The following SCFD1 variants were observed in gnomAD, a reference collection of about 807,000 sequenced individuals.
SCFD1 encodes sec1 family domain-containing protein 1.
SCFD1 carries 37 observed loss-of-function variants against 103.2 expected under a neutral mutation model. The observed-to-expected ratio is 0.36, with a 90% CI of 0.28 to 0.47. The LOEUF (loss-of-function observed/expected upper bound fraction) is 0.47. Among genes scored for constraint, SCFD1 ranks in the 20% least tolerant of loss-of-function variants. The probability of loss-of-function intolerance (pLI) is 1.00; values close to 1 mark genes in which losing one functional copy is unlikely to be tolerated. For synonymous variants in SCFD1, 264 were observed against 245.0 expected (o/e 1.08, Z -0.73); for missense variants, 639 against 761.2 (o/e 0.84, Z 1.89).
intron 18 of SCFD1, among the ~76,000 whole-genome samples, chr14:30,707,611 T>C (rs1891559812): frequency 6.6e-6 from 1 of 152,216 alleles, no homozygotes; most frequent in Admixed American, 6.5e-5. Flanking sequence ...TCCAAGTTAC[T>C]AGCTTTAAAT....
intron 23 of SCFD1, among the ~76,000 whole-genome samples, chr14:30,723,839 A>G (rs1892823216): frequency 1.3e-5 from 2 of 152,282 alleles, no homozygotes; most frequent in South Asian, 4.1e-4. Flanking sequence ...TGCTATCGTG[A>G]ACAGTGCTGC....
At chr14:30,638,077 C>G in intron 4 of SCFD1, 48 bp from the exon 5 acceptor site, 1 of 1,500,614 alleles carries the variant, frequency 6.7e-7, no homozygotes, top group Middle Eastern at 2.3e-4. Context: ...CATATGTATT[C>G]ATGGTCTTCT....
intron 15 of SCFD1, among the ~76,000 whole-genome samples, chr14:30,695,325 T>C (rs1890616730): frequency 6.6e-6 from 1 of 152,146 alleles, no homozygotes; most frequent in African/African-American, 2.4e-5. Context: ...CTTTAAATAT[T>C]TGTATGTTAG....
At chr14:30,708,486 T>C (rs538489162) in intron 19 of SCFD1, among the ~76,000 whole-genome samples, 9 of 152,048 alleles carry the variant, frequency 5.9e-5, no homozygotes, top group Non-Finnish European at 1.3e-4. Flanking sequence ...TCTGAGGGTA[T>C]TTTTTACATG....
At chr14:30,632,749 A>G (rs1884308505) in intron 3 of SCFD1, among the ~76,000 whole-genome samples, 1 of 152,218 alleles carries the variant, frequency 6.6e-6, no homozygotes, top group African/African-American at 2.4e-5. Flanking sequence ...CCAGTTAATA[A>G]CAGAGCCATG....
chr14:30,718,289 A>T (rs1315721479), intron 20 of SCFD1, among the ~76,000 whole-genome samples: 1 of 152,178 alleles, frequency 6.6e-6, no homozygotes, highest in Non-Finnish European at 1.5e-5. Flanking sequence ...CAGCATACAC[A>T]TTCCTTCCAC....
intron 4 of SCFD1, among the ~76,000 whole-genome samples, chr14:30,635,912 A>T (rs962111560): frequency 2.4e-4 from 36 of 152,220 alleles, no homozygotes; most frequent in African/African-American, 6.0e-4. Context: ...ATCCTTGCTG[A>T]ACACTTACTA....
At chr14:30,658,736 C>T (rs1328885481) in intron 10 of SCFD1, among the ~76,000 whole-genome samples, 1 of 152,156 alleles carries the variant, frequency 6.6e-6, no homozygotes, top group South Asian at 2.1e-4. Flanking sequence ...AAGAGAAGCA[C>T]TTCAGGAACA....
intron 23 of SCFD1, among the ~76,000 whole-genome samples, chr14:30,732,022 C>T (rs1331334683): frequency 2.0e-5 from 3 of 152,188 alleles, no homozygotes; most frequent in East Asian, 1.9e-4. Context: ...TTTTGAGATA[C>T]GTCCCATCAA....
chr14:30,657,833 T>C (rs1317284801), intron 10 of SCFD1, among the ~76,000 whole-genome samples: 1 of 152,194 alleles, frequency 6.6e-6, no homozygotes, highest in Non-Finnish European at 1.5e-5. Context: ...ATATTAAATG[T>C]CTTTGCCTGA....
At chr14:30,680,295 C>G (rs1219659128) in intron 14 of SCFD1, among the ~76,000 whole-genome samples, 2 of 152,122 alleles carry the variant, frequency 1.3e-5, no homozygotes, top group Admixed American at 1.3e-4. Flanking sequence ...CAGGGTTCCC[C>G]AGAGAACAGA....
At position 30,673,424 on chromosome 14, in the gene SCFD1, T is replaced by C. The variant is rs1164119810; in HGVS notation, c.1086+77T>C. The C allele has an allele frequency of 6.8e-6, 5 of 731,932 alleles. No individual in the cohort carries two copies. The African/African-American group carries it at 7.2e-5, about 11-fold the overall frequency. 45.3% of individuals were successfully genotyped at this position (731,932 alleles called of 1,614,324 possible). The stretch of plus-strand genomic sequence containing the variant: ...TTAGATAAAGAGATTTGGGTTTTTT[T>C]CCTTATAAAAATTGAAGGCCATTTA... On this transcript the variant is annotated intron_variant, in intron 12 of 24. Coordinates refer to ENST00000458591, the MANE Select transcript of SCFD1 (RefSeq NM_016106.4).
intron 14 of SCFD1, chr14:30,676,724 TTAAG>T (rs1460479860): frequency 6.6e-6 from 1 of 151,984 alleles, no homozygotes; most frequent in African/African-American, 2.4e-5. Flanking sequence ...AAGTAGAAAT[TTAAG>T]TATGATAACT....
At chr14:30,623,674 C>T (rs1278292052) in intron 1 of SCFD1, among the ~76,000 whole-genome samples, 2 of 152,012 alleles carry the variant, frequency 1.3e-5, no homozygotes, top group Non-Finnish European at 2.9e-5. Context: ...TTTGCGTGGC[C>T]GTAAACTTGT....
chr14:30,721,123 C>G (rs1306285990), intron 21 of SCFD1, among the ~76,000 whole-genome samples: 1 of 152,064 alleles, frequency 6.6e-6, no homozygotes, highest in East Asian at 1.9e-4. Flanking sequence ...GTCAGGTGGA[C>G]TTGTAGCTTC....
intron 18 of SCFD1, among the ~76,000 whole-genome samples, chr14:30,706,299 G>A (rs1008663588): frequency 6.6e-6 from 1 of 152,086 alleles, no homozygotes; most frequent in African/African-American, 2.4e-5. Context: ...CCATCTGTGT[G>A]TATCTGTGTG....
At chr14:30,627,592 CA>C (rs1214355624) in intron 1 of SCFD1, among the ~76,000 whole-genome samples, 1 of 151,672 alleles carries the variant, frequency 6.6e-6, no homozygotes, top group East Asian at 1.9e-4. Flanking sequence ...ACTAGAAATA[CA>C]AAATTAGCCG....
At chr14:30,714,191 C>CAA (rs11439842) in intron 19 of SCFD1, among the ~76,000 whole-genome samples, 3,583 of 143,290 alleles carry the variant, frequency 0.025, 161 homozygotes, top group African/African-American at 0.082. Flanking sequence ...ACTAAAAATA[C>CAA]AAAAAAAAAA....
intron 19 of SCFD1, among the ~76,000 whole-genome samples, chr14:30,711,658 G>T (rs539632384): frequency 6.6e-6 from 1 of 152,248 alleles, no homozygotes; most frequent in Non-Finnish European, 1.5e-5. Flanking sequence ...TCATACCTCA[G>T]TGAATCTGCA....
Sources: gnomAD v4.1 joint callset for allele counts (sites outside exome capture counted in the v4.1 genomes callset) on GRCh38, gnomAD v4.1.1 for gene constraint, MANE v1.5 for transcripts, NCBI Gene and HGNC (gene_info 2026-07-23, HGNC 2026-07-21) for gene names.